Variants in ASTN2 observed in about 807,000 individuals in gnomAD.
The protein encoded by ASTN2 is astrotactin 2.
ASTN2 carries 54 observed loss-of-function variants against 139.8 expected under a neutral mutation model. That is an observed-to-expected ratio of 0.39 (90% CI 0.31 to 0.48). The LOEUF is 0.48. Among genes scored for constraint, ASTN2 ranks in the 20% least tolerant of loss-of-function variants. The pLI is 0.95. For missense variants in ASTN2, 1,565 were observed against 1,725.1 expected, an observed-to-expected ratio of 0.91 and a Z score of 1.64; for synonymous variants, 756 against 719.5, an observed-to-expected ratio of 1.05 and a Z score of -0.81.
chr9:116,716,141 G>T lies in ASTN2; in HGVS notation c.2806+9630C>A, dbSNP rs576280828. Among the ~76,000 whole-genome samples, 11 of 152,242 alleles carry T rather than the reference G, an allele frequency of 7.2e-5. No homozygotes were observed. The South Asian group carries it at 2.1e-3, about 29-fold the overall frequency. ...CCCTCAGGCCCTGCATCTCTGTCTGGGACTGTGACTGTGACAGGGGAATGA... is the reference window on the plus strand; with the variant it reads ...CCCTCAGGCCCTGCATCTCTGTCTGTGACTGTGACTGTGACAGGGGAATGA... On this transcript the variant is annotated intron_variant, in intron 16 of 22. Coordinates refer to ENST00000313400, the MANE Select transcript of ASTN2 (RefSeq NM_001365068.1).
At chr9:116,511,267 AT>A (rs1850364818) in intron 19 of ASTN2, among the ~76,000 whole-genome samples, 1 of 151,888 alleles carries the variant, frequency 6.6e-6, no homozygotes, top group Admixed American at 6.6e-5. Flanking sequence ...TAATCATGTG[AT>A]TTTTGTCATT....
chr9:117,159,593 GTGCCACCA>G (rs1830503623), intron 3 of ASTN2, among the ~76,000 whole-genome samples: 1 of 152,018 alleles, frequency 6.6e-6, no homozygotes, highest in Non-Finnish European at 1.5e-5. Flanking sequence ...ATTGAGTTGT[GTGCCACCA>G]TGCACAGCTA....
chr9:117,292,446 C>T (rs138572775), intron 1 of ASTN2, among the ~76,000 whole-genome samples: 1 of 152,120 alleles, frequency 6.6e-6, no homozygotes, highest in Non-Finnish European at 1.5e-5. Flanking sequence ...TATGTGCCTG[C>T]AAATGTCCTA....
intron 1 of ASTN2, among the ~76,000 whole-genome samples, chr9:117,408,665 T>A (rs1022597796): frequency 2.6e-5 from 4 of 152,160 alleles, no homozygotes; most frequent in Admixed American, 6.5e-5. Flanking sequence ...AGGAAAATGA[T>A]CAAGCCATGG....
intron 1 of ASTN2, among the ~76,000 whole-genome samples, chr9:117,330,640 A>C (rs1828677139): frequency 1.3e-5 from 2 of 152,150 alleles, no homozygotes; most frequent in African/African-American, 4.8e-5. Context: ...CTACATGAAC[A>C]CATGTGGAGA....
intron 2 of ASTN2, among the ~76,000 whole-genome samples, chr9:117,256,377 C>G: frequency 6.6e-6 from 1 of 152,158 alleles, no homozygotes; most frequent in East Asian, 1.9e-4. Flanking sequence ...AATAAAGGGA[C>G]CTAGTGTTTA....
intron 1 of ASTN2, among the ~76,000 whole-genome samples, chr9:117,410,219 C>T (rs905226975): frequency 2.0e-5 from 3 of 152,134 alleles, no homozygotes; most frequent in African/African-American, 7.2e-5. Context: ...CACTATCAAG[C>T]ACAGCAAGAA....
chr9:116,645,995 A>G (rs1007167727), intron 17 of ASTN2, among the ~76,000 whole-genome samples: 3 of 152,206 alleles, frequency 2.0e-5, no homozygotes, highest in African/African-American at 7.2e-5. Flanking sequence ...CTGTTAAGTG[A>G]TTTCTTCTTG....
At chr9:117,340,727 T>C (rs1005164028) in intron 1 of ASTN2, among the ~76,000 whole-genome samples, 3 of 152,186 alleles carry the variant, frequency 2.0e-5, no homozygotes, top group Non-Finnish European at 2.9e-5. Flanking sequence ...AGGCACCATG[T>C]TGCTCTTTTG....
intron 11 of ASTN2, among the ~76,000 whole-genome samples, chr9:116,833,869 TAAA>T: frequency 6.6e-6 from 1 of 152,166 alleles, no homozygotes; most frequent in South Asian, 2.1e-4. Context: ...TAAGCCCTTA[TAAA>T]TGTGATTAGT....
intron 16 of ASTN2, among the ~76,000 whole-genome samples, chr9:116,712,299 GAGCC>G (rs59636170): frequency 0.14 from 21,552 of 151,974 alleles, 1,592 homozygotes; most frequent in Middle Eastern, 0.2. Context: ...TAACTGTTTT[GAGCC>G]AGGTGTTCAT....
At chr9:116,991,888 A>C (rs1290700945) in intron 7 of ASTN2, among the ~76,000 whole-genome samples, 1 of 152,180 alleles carries the variant, frequency 6.6e-6, no homozygotes, top group Non-Finnish European at 1.5e-5. Context: ...CTGGTGACTG[A>C]CTCAATCTTC....
chr9:117,356,254 T>A (rs1429293234), intron 1 of ASTN2, among the ~76,000 whole-genome samples: 2 of 152,168 alleles, frequency 1.3e-5, no homozygotes, highest in East Asian at 3.9e-4. Context: ...AAAGTCAAAA[T>A]CTTAAAATAT....
At chr9:116,498,020 G>A (rs1849723895) in intron 19 of ASTN2, among the ~76,000 whole-genome samples, 1 of 152,176 alleles carries the variant, frequency 6.6e-6, no homozygotes. Flanking sequence ...CGAGGTTGCT[G>A]ACGGTGGGCC....
At chr9:116,678,490 A>C (rs185289206) in intron 16 of ASTN2, among the ~76,000 whole-genome samples, 2 of 152,190 alleles carry the variant, frequency 1.3e-5, no homozygotes, top group East Asian at 3.9e-4. Context: ...TTTTGGTAAA[A>C]GATTATAAGA....
intron 19 of ASTN2, chr9:116,613,345 A>T (rs561879003): frequency 1.3e-5 from 2 of 152,260 alleles, no homozygotes; most frequent in Non-Finnish European, 2.9e-5. Flanking sequence ...AAATCAATAG[A>T]AAAAGAGGGA....
intron 16 of ASTN2, chr9:116,700,920 A>C (rs1466373473): frequency 6.0e-6 from 1 of 167,038 alleles, no homozygotes; most frequent in South Asian, 2.1e-4. Context: ...TAATAATCCA[A>C]ATCTTTCTCC....
intron 20 of ASTN2, among the ~76,000 whole-genome samples, chr9:116,482,904 GA>G (rs1203599454): frequency 6.6e-6 from 1 of 152,106 alleles, no homozygotes; most frequent in African/African-American, 2.4e-5. Flanking sequence ...CCCACCCCAG[GA>G]ATCAGGCCTG....
In ASTN2 at chr9:116,552,664, C is replaced by T. The variant is rs559776914; in HGVS notation, c.3356-65164G>A. ...ATTTGAACCCTTGATTCCTGACTCT[C>T]CTCCCAGTACTCCACCAGCTAGATG... is the stretch of plus-strand genomic sequence containing the variant. On this transcript the variant is annotated intron_variant, in intron 19 of 22. Coordinates refer to ENST00000313400, the MANE Select transcript of ASTN2 (RefSeq NM_001365068.1). Among the ~76,000 whole-genome samples the T allele has an allele frequency of 9.9e-5, 15 of 152,208 alleles. 1 individual carries two copies. Among genetic ancestry groups the T allele is most frequent in the Admixed American group, 3.9e-4 (6 of 15,282 alleles).
Sources: gnomAD v4.1 joint callset for allele counts (sites outside exome capture counted in the v4.1 genomes callset) on GRCh38, gnomAD v4.1.1 for gene constraint, MANE v1.5 for transcripts, NCBI Gene and HGNC (gene_info 2026-07-23, HGNC 2026-07-21) for gene names.